Variants in MORN4 observed in about 807,000 individuals in gnomAD.
The protein encoded by MORN4 is MORN repeat-containing protein 4.
Under a neutral mutation model 16.4 loss-of-function variants are expected in MORN4, and 8 were observed. The observed-to-expected ratio is 0.49, with a 90% confidence interval of 0.29 to 0.88. MORN4 has a LOEUF of 0.88. Among genes scored for constraint, MORN4 ranks in the 40% least tolerant of loss-of-function variants. MORN4 has a pLI of 0.09. For missense variants in MORN4, 159 were observed against 182.9 expected (o/e 0.87, Z 0.75); for synonymous variants, 53 against 68.9 (o/e 0.77, Z 1.14).
rs748555933 is a variant in MORN4 at position 97,633,186 on chromosome 10, AG to A, written c.-31+160del. Reference sequence around the variant, plus strand: ...CCTCGACCCCCGCGGTGGAGACTAAAGGGTTCAGGTTTGGGTCCCCCACAGG... The same window carrying A: ...CCTCGACCCCCGCGGTGGAGACTAAAGGTTCAGGTTTGGGTCCCCCACAGG... On this transcript the variant is annotated intron_variant, in intron 1 of 4. Coordinates refer to ENST00000307450, the MANE Select transcript of MORN4 (RefSeq NM_178832.4). The surrounding 1 kb of genome is among the most constrained non-coding windows in gnomAD (Gnocchi z 4.5). Among the ~76,000 whole-genome samples the A allele has an allele frequency of 1.3e-5, 2 of 152,054 alleles. No homozygotes were observed. The highest frequency in any genetic ancestry group is 2.9e-5 in the Non-Finnish European group (2 of 67,994).
In MORN4 at chr10:97,633,356, G is replaced by A. The variant is rs2135745798; in HGVS notation, c.-40C>T. ...TGCGCCTCCAGCCAACCTGGGGCCG[G>A]CCTTTCGGGATGACCGTCACGCCTG... is the stretch of plus-strand genomic sequence containing the variant. On this transcript the variant is annotated 5_prime_UTR_variant, in exon 1 of 5. Coordinates refer to ENST00000307450, the MANE Select transcript of MORN4 (RefSeq NM_178832.4). The surrounding 1 kb of genome is among the most constrained non-coding windows in gnomAD (Gnocchi z 4.5). 1 of 1,289,820 alleles carries A rather than the reference G, an allele frequency of 7.8e-7. No individual in the cohort carries two copies. Among genetic ancestry groups the A allele is most frequent in the South Asian group, 1.2e-5 (1 of 81,016 alleles). The allele number at this position is 1,289,820 out of a possible 1,614,324, so 79.9% of individuals were successfully genotyped here. A position where few individuals can be genotyped will look rare whatever the true frequency, so the allele number is the denominator to read the frequency against.
chr10:97,620,577 C>T (rs752266908), intron 1 of MORN4, among the ~76,000 whole-genome samples: 5 of 150,314 alleles, frequency 3.3e-5, no homozygotes, highest in South Asian at 2.1e-4. Flanking sequence ...AATGTGAACA[C>T]GAGATGTTCC....
intron 1 of MORN4, among the ~76,000 whole-genome samples, chr10:97,626,423 A>G (rs2041347882): frequency 7.0e-6 from 1 of 143,756 alleles, no homozygotes; most frequent in Admixed American, 6.9e-5. Context: ...AATCATAATC[A>G]TAATCATAAT....
In MORN4 at chr10:97,616,141, A is replaced by G. The variant is rs1167908338; in HGVS notation, c.*122T>C. 6 of 1,047,362 alleles carry G rather than the reference A, an allele frequency of 5.7e-6. No homozygotes were observed. The African/African-American group carries it at 8.1e-5, about 14-fold the overall frequency. The allele number at this position is 1,047,362 out of a possible 1,614,324, so 64.9% of individuals were successfully genotyped here. The stretch of plus-strand genomic sequence containing the variant: ...TGGAATGGCAGGTGACAGGGCACAT[A>G]CAAGGCCTCTGCTCCACTGTCATTG... On this transcript the variant is annotated 3_prime_UTR_variant, in exon 5 of 5. Coordinates refer to ENST00000307450, the MANE Select transcript of MORN4 (RefSeq NM_178832.4).
At chr10:97,625,488 A>G (rs2041338664) in intron 1 of MORN4, among the ~76,000 whole-genome samples, 1 of 152,218 alleles carries the variant, frequency 6.6e-6, no homozygotes, top group Non-Finnish European at 1.5e-5. Flanking sequence ...AGTACCTAGA[A>G]CACTGCTAGG....
chr10:97,626,609 C>T (rs1470294086), intron 1 of MORN4, among the ~76,000 whole-genome samples: 1 of 151,614 alleles, frequency 6.6e-6, no homozygotes, highest in Non-Finnish European at 1.5e-5. Flanking sequence ...GTGACCGTCA[C>T]CATGGCTGGC....
At chr10:97,628,243 C>T (rs1180017718) in intron 1 of MORN4, among the ~76,000 whole-genome samples, 1 of 152,184 alleles carries the variant, frequency 6.6e-6, no homozygotes, top group Non-Finnish European at 1.5e-5. Context: ...AAGAGCATTT[C>T]CTTTAGATGT....
chr10:97,625,523 T>G (rs915430540), intron 1 of MORN4, among the ~76,000 whole-genome samples: 2 of 152,238 alleles, frequency 1.3e-5, no homozygotes, highest in African/African-American at 4.8e-5. Flanking sequence ...TGTTAGTTTC[T>G]TTCCTCTTTC....
chr10:97,620,898 G>A (rs1051281873), intron 1 of MORN4, among the ~76,000 whole-genome samples: 9 of 152,098 alleles, frequency 5.9e-5, no homozygotes, highest in African/African-American at 2.2e-4. Context: ...CGAGGTGGGC[G>A]GATCACGAGG....
At chr10:97,625,054 G>A (rs2041335749) in intron 1 of MORN4, among the ~76,000 whole-genome samples, 1 of 152,048 alleles carries the variant, frequency 6.6e-6, no homozygotes, top group Admixed American at 6.6e-5. Flanking sequence ...TTTTGGGGTG[G>A]GTATTATTAT....
chr10:97,617,416 C>T (rs1391622219), intron 2 of MORN4, 94 bp from the exon 3 acceptor site: 2 of 910,416 alleles, frequency 2.2e-6, no homozygotes, highest in East Asian at 2.4e-5. Flanking sequence ...CATCACCCTA[C>T]CCACAAAGAA....
At chr10:97,627,137 CCTT>C (rs2041355394) in intron 1 of MORN4, among the ~76,000 whole-genome samples, 1 of 143,236 alleles carries the variant, frequency 7.0e-6, no homozygotes, top group Non-Finnish European at 1.5e-5. Flanking sequence ...GACCTGAACA[CCTT>C]TTTTTTTTTG....
intron 2 of MORN4, chr10:97,619,362 C>G: frequency 1.7e-6 from 1 of 579,356 alleles, no homozygotes; most frequent in South Asian, 2.3e-5. Flanking sequence ...AAAACAGAAG[C>G]AAAAAAAAGA....
chr10:97,633,721 C>A, upstream of MORN4: 1 of 1,131,616 alleles, frequency 8.8e-7, no homozygotes, highest in Non-Finnish European at 1.1e-6. The surrounding 1 kb of genome is among the most constrained non-coding windows in gnomAD (Gnocchi z 4.5). Context: ...AAATGGCAAC[C>A]CCAAAGAAAA....
At chr10:97,624,793 A>G (rs2041333198) in intron 1 of MORN4, among the ~76,000 whole-genome samples, 2 of 151,870 alleles carry the variant, frequency 1.3e-5, no homozygotes, top group African/African-American at 4.8e-5. Context: ...ATCTTTGCTC[A>G]CTCCAACCTC....
chr10:97,624,027 T>C (rs1004436234), intron 1 of MORN4, among the ~76,000 whole-genome samples: 5 of 151,958 alleles, frequency 3.3e-5, no homozygotes, highest in African/African-American at 9.7e-5. Context: ...TGAGCCACCG[T>C]GCCTGGCCGC....
At chr10:97,627,403 C>T (rs1432865392) in intron 1 of MORN4, among the ~76,000 whole-genome samples, 1 of 152,180 alleles carries the variant, frequency 6.6e-6, no homozygotes, top group African/African-American at 2.4e-5. Context: ...CTCGGCCTCC[C>T]AAAGTGCTAG....
At chr10:97,622,808 C>T (rs1045986516) in intron 1 of MORN4, among the ~76,000 whole-genome samples, 1 of 151,078 alleles carries the variant, frequency 6.6e-6, no homozygotes, top group Non-Finnish European at 1.5e-5. Flanking sequence ...AAATACAAGC[C>T]CTATTTCTTT....
In MORN4 at chr10:97,616,113, T is replaced by C; in HGVS notation, c.*150A>G. The C allele has an allele frequency of 1.4e-6, 1 of 739,934 alleles. No individual in the cohort carries two copies. The highest frequency in any genetic ancestry group is 2.1e-6 in the Non-Finnish European group (1 of 487,042). 45.8% of individuals were successfully genotyped at this position (739,934 alleles called of 1,614,324 possible). ...TCCTCAGCACTTTTCTGTGGTCCAG[T>C]TCTGGAATGGCAGGTGACAGGGCAC... On this transcript the variant is annotated 3_prime_UTR_variant, in exon 5 of 5. Coordinates refer to ENST00000307450, the MANE Select transcript of MORN4 (RefSeq NM_178832.4).
Sources: gnomAD v4.1 joint callset for allele counts (sites outside exome capture counted in the v4.1 genomes callset) on GRCh38, gnomAD v4.1.1 for gene constraint, Gnocchi (gnomAD v3.1) non-coding constraint, MANE v1.5 for transcripts, NCBI Gene and HGNC (gene_info 2026-07-23, HGNC 2026-07-21) for gene names.